SLC11A1: variants seen among roughly 807,000 people sequenced by gnomAD.
SLC11A1 encodes the protein solute carrier family 11 member 1.
A neutral mutation model predicts 63.2 loss-of-function variants in SLC11A1; 59 were observed. The ratio of observed to expected loss-of-function variants is 0.93; its 90% CI spans 0.76 to 1.16. The LOEUF is 1.16. Among genes scored for constraint, SLC11A1 ranks in the 50% most tolerant of loss-of-function variants. The pLI is 0.00. For synonymous variants in SLC11A1, 305 were observed against 307.8 expected (o/e 0.99, Z 0.09); for missense variants, 688 against 730.7 (o/e 0.94, Z 0.67).
chr2:218,391,627 T>G (rs1000538825), intron 11 of SLC11A1, 132 bp downstream of exon 11: 8 of 1,215,796 alleles, frequency 6.6e-6, no homozygotes, highest in South Asian at 1.6e-5. Context: ...TGTTTTTGTT[T>G]TTGTTGTTGT....
chr2:218,393,507 A>C (rs1574779509), intron 12 of SLC11A1, among the ~76,000 whole-genome samples: 10 of 123,374 alleles, frequency 8.1e-5, no homozygotes, highest in South Asian at 4.9e-4. Flanking sequence ...ACGGAGTTTC[A>C]CTCTTGTTAC....
chr2:218,393,355 CTGG>C (rs1696568347), intron 12 of SLC11A1, among the ~76,000 whole-genome samples: 1 of 149,114 alleles, frequency 6.7e-6, no homozygotes, highest in African/African-American at 2.5e-5. Flanking sequence ...GTCACCTAGG[CTGG>C]AGTGCAGTGG....
intron 13 of SLC11A1, 120 bp downstream of exon 13, chr2:218,394,313 G>C: frequency 1.9e-6 from 2 of 1,052,696 alleles, no homozygotes; most frequent in Non-Finnish European, 2.8e-6. Flanking sequence ...GCTGAGAGAG[G>C]TTAAGGGACT....
rs983978282 is a variant in SLC11A1, at chr2:218,391,461, T to A, written c.1130T>A (p.Met377Lys). 2.5e-6 allele frequency: 4 copies of A among 1,611,392 alleles called. No individual in the cohort carries two copies. The African/African-American group carries it at 4.0e-5, about 16-fold the overall frequency. ...CTGGCGGCTGGGCAGAGCTCCACCA[T>A]GACGGGCACCTACGCGGGACAGTTC... Reference protein sequence around the residue: ...GLLAAGQSSTMTGTYAGQFVM... With the variant: ...GLLAAGQSSTKTGTYAGQFVM... The change falls in exon 11 of 15, where the codon ATG becomes AAG. Residue 377 changes from methionine to lysine, a missense_variant. Met to Lys is a moderately conservative substitution (Grantham distance 95). Coordinates refer to ENST00000233202, the MANE Select transcript of SLC11A1 (RefSeq NM_000578.4).
chr2:218,394,460 G>A (rs987045038), intron 13 of SLC11A1, 172 bp from the exon 14 acceptor site: 7 of 764,136 alleles, frequency 9.2e-6, no homozygotes, highest in Admixed American at 2.8e-5. Flanking sequence ...TAGCCTGGAG[G>A]GCCCAGGAGG....
At chr2:218,392,698 G>C (rs962309860) in intron 11 of SLC11A1, 1 of 366,354 alleles carries the variant, frequency 2.7e-6, no homozygotes, top group Non-Finnish European at 4.9e-6. Context: ...TGAGAAAACA[G>C]ATCCTGACAG....
rs778245262 is a variant in SLC11A1, at chr2:218,391,445, G to A, written c.1114G>A (p.Gly372Arg). The A allele has an allele frequency of 1.5e-5, 24 of 1,613,078 alleles. No homozygotes were observed. In the Admixed American group the frequency reaches 3.0e-4, roughly 20 times the overall value. ...YIWAIGLLAA[G>R]QSSTMTGTYA... Reference sequence around the variant, plus strand: ...CTGGGCCATAGGTCTCCTGGCGGCTGGGCAGAGCTCCACCATGACGGGCAC... The same window carrying A: ...CTGGGCCATAGGTCTCCTGGCGGCTAGGCAGAGCTCCACCATGACGGGCAC... Residue 372 changes from glycine (G) to arginine (R), a missense_variant, in exon 11 of 15, where the codon GGG (glycine) becomes AGG (arginine). Coordinates refer to ENST00000233202, the MANE Select transcript of SLC11A1 (RefSeq NM_000578.4).
chr2:218,392,085 T>C (rs1270641369), intron 11 of SLC11A1: 7 of 405,008 alleles, frequency 1.7e-5, no homozygotes, highest in African/African-American at 1.3e-4. Flanking sequence ...TTCCTTTTTT[T>C]TGAGACGGCG....
rs112045373 is a variant in SLC11A1 at position 218,393,718 on chromosome 2, T to C, written c.1315-402T>C. 3.0e-3 allele frequency among the ~76,000 whole-genome samples: 458 copies of C among 152,064 alleles called. 6 individuals carry two copies. Among genetic ancestry groups the C allele is most frequent in the African/African-American group, 0.011 (439 of 41,458 alleles). On this transcript the variant is annotated intron_variant, in intron 12 of 14. Coordinates refer to ENST00000233202, the MANE Select transcript of SLC11A1 (RefSeq NM_000578.4). The stretch of plus-strand genomic sequence containing the variant: ...GTCTCAAACTCCTGACCTCAGGTGA[T>C]CCACCCGCCTTGGCCTCCCAAAGTG...
At chr2:218,391,613 TTTTTG>T in intron 11 of SLC11A1, 118 bp downstream of exon 11, 6 of 1,224,846 alleles carry the variant, frequency 4.9e-6, no homozygotes, top group African/African-American at 1.5e-5. Context: ...TCTTCCTTTT[TTTTTG>T]TTTTTGTTTT....
At chr2:218,394,523 G>A (rs781745460) in intron 13 of SLC11A1, 109 bp from the exon 14 acceptor site, 33 of 1,231,604 alleles carry the variant, frequency 2.7e-5, no homozygotes, top group Middle Eastern at 3.9e-4. Flanking sequence ...CCAGAGAAGC[G>A]GCCTCAGTGT....
intron 2 of SLC11A1, chr2:218,383,491 T>G (rs1171179426): frequency 6.2e-6 from 1 of 162,076 alleles, no homozygotes; most frequent in African/African-American, 2.5e-5. Context: ...TATCTTCTCT[T>G]TTTTTGGAGA....
rs955696033 is a variant in SLC11A1 at position 218,396,578 on chromosome 2, C to T, written c.*1543C>T. The T allele has an allele frequency of 6.6e-6, 1 of 152,432 alleles. No homozygotes were observed. The highest frequency in any genetic ancestry group is 2.4e-5 in the African/African-American group (1 of 41,464). The allele number at this position is 152,432 out of a possible 1,614,324, so 9.4% of individuals were successfully genotyped here. On this transcript the variant is annotated 3_prime_UTR_variant, in exon 15 of 15. Transcript: ENST00000233202. ...TAAAAGGGCAACGATGCGAGTGGGTCCCTCAAGGAGAGAAGAGATGGGACC... is the reference window on the plus strand; with the variant it reads ...TAAAAGGGCAACGATGCGAGTGGGTTCCTCAAGGAGAGAAGAGATGGGACC...
Position 218,389,887 on chromosome 2 carries a change from G to A in SLC11A1, c.813G>A (p.Arg271=), listed in dbSNP as rs758471639. The change falls in exon 9 of 15, where the codon CGG becomes CGA. Residue 271 remains arginine (R), a synonymous_variant. Coordinates refer to ENST00000233202, the MANE Select transcript of SLC11A1 (RefSeq NM_000578.4). ...CTTCGTAGTCTCGAGAGATAGACCG[G>A]GCCCGCCGAGCAGACATCAGAGAAG... The part of the protein sequence containing the change: ...SALVKSREID[R]ARRADIREAN... The A allele has an allele frequency of 1.2e-6, 2 of 1,612,464 alleles. No individual in the cohort carries two copies. Among genetic ancestry groups the A allele is most frequent in the Middle Eastern group, 1.7e-4 (1 of 6,056 alleles).
rs1323972138 is a variant in SLC11A1, at chr2:218,396,422, C to T, written c.*1387C>T. ...AGCGAGGAGAGGCCAACAGGCCTTT[C>T]CCTAGAGTTGAACCTGGGCCGGGTG... On this transcript the variant is annotated 3_prime_UTR_variant, in exon 15 of 15. Coordinates refer to ENST00000233202, the MANE Select transcript of SLC11A1 (RefSeq NM_000578.4). 2 of 152,448 alleles carry T rather than the reference C, an allele frequency of 1.3e-5. No individual in the cohort carries two copies. The highest frequency in any genetic ancestry group is 4.8e-5 in the African/African-American group (2 of 41,478). 9.4% of individuals were successfully genotyped at this position (152,448 alleles called of 1,614,324 possible).
chr2:218,386,688 C>T lies in SLC11A1; in HGVS notation c.447C>T (p.Asp149=). 1 of 1,614,150 alleles carries T rather than the reference C, an allele frequency of 6.2e-7. No individual in the cohort carries two copies. Among genetic ancestry groups the T allele is most frequent in the Non-Finnish European group, 8.5e-7 (1 of 1,180,012 alleles). The part of the protein sequence containing the change: ...LTIELAIVGS[D]MQEVIGTAIA... ...TCGAGCTAGCCATTGTGGGCTCCGA[C>T]ATGCAGGAAGTCATCGGCACGGCCA... The change falls in exon 5 of 15, where the codon GAC becomes GAT. Residue 149 remains aspartate, a synonymous_variant. Coordinates refer to ENST00000233202, the MANE Select transcript of SLC11A1 (RefSeq NM_000578.4).
At chr2:218,391,713 C>G (rs922194921) in intron 11 of SLC11A1, 2 of 520,638 alleles carry the variant, frequency 3.8e-6, no homozygotes, top group East Asian at 3.7e-5. Flanking sequence ...CAACCTCCCC[C>G]TCCCAGGTTC....
At position 218,394,211 on chromosome 2, in the gene SLC11A1, C is replaced by T; in HGVS notation, c.1388+18C>T. On this transcript the variant is annotated intron_variant, in intron 13 of 14. Coordinates refer to ENST00000233202, the MANE Select transcript of SLC11A1 (RefSeq NM_000578.4). ...AATGGCCTGTGAGTACCCCCTTTCC[C>T]AAGTGCTGGATTGCATCACCACATT... 6.2e-7 allele frequency: 1 copy of T among 1,612,184 alleles called. No homozygotes were observed. Among genetic ancestry groups the T allele is most frequent in the Non-Finnish European group, 8.5e-7 (1 of 1,178,264 alleles).
At chr2:218,391,137 C>G (rs1167062087) in intron 9 of SLC11A1, 61 bp from the exon 10 acceptor site, 1 of 1,472,248 alleles carries the variant, frequency 6.8e-7, no homozygotes, top group South Asian at 1.1e-5. Context: ...GCTAGGCAGT[C>G]CAGTTTCCCA....
Sources: gnomAD v4.1 joint callset for allele counts (sites outside exome capture counted in the v4.1 genomes callset) on GRCh38, gnomAD v4.1.1 for gene constraint, MANE v1.5 for transcripts, NCBI Gene and HGNC (gene_info 2026-07-23, HGNC 2026-07-21) for gene names.